The following CFAP54 variants were observed in gnomAD, a reference collection of about 807,000 sequenced individuals.
CFAP54 encodes cilia- and flagella-associated protein 54.
Under a neutral mutation model 370.4 loss-of-function variants are expected in CFAP54, and 290 were observed. That is an observed-to-expected ratio of 0.78 (90% CI 0.71 to 0.86). The LOEUF is 0.86. CFAP54 is among the 40% of genes least tolerant of loss of function. CFAP54 has a pLI of 0.00. For missense variants in CFAP54, 3,399 were observed against 3,528.7 expected, an observed-to-expected ratio of 0.96 and a Z score of 0.93; for synonymous variants, 1,206 against 1,236.5, an observed-to-expected ratio of 0.98 and a Z score of 0.52.
chr12:96,548,798 C>T (rs1261206890), intron 15 of CFAP54, among the ~76,000 whole-genome samples: 9 of 152,112 alleles, frequency 5.9e-5, no homozygotes, highest in Admixed American at 5.9e-4. Context: ...CTATCTCTCA[C>T]TCCAGACATA....
intron 34 of CFAP54, 41 bp from the exon 35 acceptor site, chr12:96,649,850 C>T: frequency 2.9e-6 from 4 of 1,378,198 alleles, no homozygotes; most frequent in Non-Finnish European, 4.0e-6. Context: ...GAACTTAATT[C>T]TATGTTTTTA....
chr12:96,717,640 C>T lies in CFAP54; in HGVS notation c.6725-803C>T, dbSNP rs543458564. 1.1e-3 allele frequency among the ~76,000 whole-genome samples: 174 copies of T among 152,254 alleles called. 1 individual carries two copies. Among genetic ancestry groups the T allele is most frequent in the African/African-American group, 3.8e-3 (159 of 41,562 alleles). On this transcript the variant is annotated intron_variant, in intron 48 of 67. Transcript: ENST00000524981. Reference sequence around the variant, plus strand: ...TTCAGAATAAGAGCAGGCTTTGGATCGTGGATGGAGATTTTGAAAGAGATA... The same window carrying T: ...TTCAGAATAAGAGCAGGCTTTGGATTGTGGATGGAGATTTTGAAAGAGATA...
intron 65 of CFAP54, among the ~76,000 whole-genome samples, chr12:96,824,842 C>T (rs1354126113): frequency 6.6e-6 from 1 of 152,110 alleles, no homozygotes; most frequent in Non-Finnish European, 1.5e-5. Context: ...TTCCCTCAGT[C>T]CAGTCCTGCT....
At chr12:96,771,657 C>CA (rs773536804) in intron 60 of CFAP54, among the ~76,000 whole-genome samples, 11 of 151,814 alleles carry the variant, frequency 7.2e-5, no homozygotes, top group Admixed American at 3.3e-4. Flanking sequence ...GCCTCAAAAA[C>CA]AAAAAACAAA....
In CFAP54 at chr12:96,626,912, C is replaced by A. The variant is rs770591678; in HGVS notation, c.4076C>A (p.Thr1359Lys). Residue 1359 changes from threonine (T) to lysine (K), a missense_variant, in exon 30 of 68, where the codon ACA becomes AAA. By Grantham distance (78) the Thr-to-Lys change is moderately conservative. This residue lies in a region of CFAP54 where 2,796 missense variants were observed against 2,869.7 expected (regional missense o/e 0.97). Coordinates refer to ENST00000524981, the MANE Select transcript of CFAP54 (RefSeq NM_001306084.2). ...AAATTTCATCTTATGGTAGAGGTAA[C>A]AACTCCTGTCCATGACTTCTTGAAA... is the stretch of plus-strand genomic sequence containing the variant. ...EEKFHLMVEV[T>K]TPVHDFLKRR... The A allele has an allele frequency of 7.0e-6, 10 of 1,422,904 alleles. No homozygotes were observed. The South Asian group carries it at 1.2e-4, about 17-fold the overall frequency. 88.1% of individuals were successfully genotyped at this position (1,422,904 alleles called of 1,614,324 possible).
chr12:96,688,749 G>A (rs998777278), intron 42 of CFAP54, among the ~76,000 whole-genome samples, 167 bp from the exon 43 acceptor site: 1 of 151,146 alleles, frequency 6.6e-6, no homozygotes, highest in African/African-American at 2.4e-5. Context: ...GGATTATAGG[G>A]GATTTTTTAT....
At chr12:96,692,312 T>G (rs1366794836) in intron 44 of CFAP54, among the ~76,000 whole-genome samples, 1 of 152,196 alleles carries the variant, frequency 6.6e-6, no homozygotes, top group Non-Finnish European at 1.5e-5. Context: ...ATTTCTGGGT[T>G]GAAGAAATAG....
At chr12:96,588,733 A>T (rs551760845) in intron 22 of CFAP54, among the ~76,000 whole-genome samples, 1 of 150,740 alleles carries the variant, frequency 6.6e-6, no homozygotes, top group Non-Finnish European at 1.5e-5. Flanking sequence ...GAGATTTTAT[A>T]TTGTTATTTA....
At chr12:96,806,831 T>A (rs1006839735) in intron 63 of CFAP54, among the ~76,000 whole-genome samples, 14 of 152,042 alleles carry the variant, frequency 9.2e-5, no homozygotes, top group African/African-American at 3.4e-4. Context: ...AAAAGCTGTT[T>A]AAGGGAGATA....
rs906447863 is a variant in CFAP54, at chr12:96,792,415, G to A, written c.8766G>A (p.Met2922Ile). Reference protein sequence around the residue: ...SSCVDITPIEMVTQASNKELC... With the variant: ...SSCVDITPIEIVTQASNKELC... ...GTGTGGACATAACGCCAATAGAAAT[G>A]GTAACGCAAGCTTCAAACAAAGAAC... The change falls in exon 63 of 68, where the codon ATG becomes ATA. Residue 2922 changes from methionine (M) to isoleucine (I), a missense_variant. Around this residue, in one of 3 missense-constraint regions of CFAP54, gnomAD observed 2,796 missense variants for 2,869.7 expected, o/e 0.97. Coordinates refer to ENST00000524981, the MANE Select transcript of CFAP54 (RefSeq NM_001306084.2). 1 of 1,535,696 alleles carries A rather than the reference G, an allele frequency of 6.5e-7. No individual in the cohort carries two copies. The highest frequency in any genetic ancestry group is 1.4e-5 in the African/African-American group (1 of 72,982).
chr12:96,634,749 A>G (rs1425209451), intron 32 of CFAP54, among the ~76,000 whole-genome samples: 1 of 152,024 alleles, frequency 6.6e-6, no homozygotes, highest in Non-Finnish European at 1.5e-5. Context: ...TTTTGAGTTA[A>G]TTTTTTGCAT....
chr12:96,512,210 T>C (rs1486594448), intron 4 of CFAP54, among the ~76,000 whole-genome samples: 1 of 150,862 alleles, frequency 6.6e-6, no homozygotes, highest in East Asian at 1.9e-4. Context: ...CCTTGTTGAG[T>C]ATTTTGCCAT....
chr12:96,490,704 TAATA>T (rs201397110), intron 1 of CFAP54, among the ~76,000 whole-genome samples: 1,941 of 139,148 alleles, frequency 0.014, 61 homozygotes, highest in African/African-American at 0.048. Flanking sequence ...AAAATAATAA[TAATA>T]AATAAATAAA....
rs192532822 is a variant in CFAP54, at chr12:96,684,392, C to G, written c.5717-256C>G. 2.1e-3 allele frequency among the ~76,000 whole-genome samples: 315 copies of G among 152,274 alleles called. 1 individual carries two copies. Among genetic ancestry groups the G allele is most frequent in the African/African-American group, 7.1e-3 (294 of 41,532 alleles). ...TAAGTTTCTCTTCTCCTGTCTCTAC[C>G]TGTCTGAGTTTTATTCCCATGATGC... On this transcript the variant is annotated intron_variant, in intron 40 of 67. Transcript: ENST00000524981.
chr12:96,830,259 T>C (rs1437134784), intron 66 of CFAP54, among the ~76,000 whole-genome samples: 1 of 152,222 alleles, frequency 6.6e-6, no homozygotes, highest in Non-Finnish European at 1.5e-5. Flanking sequence ...ATGTTTAACC[T>C]TTCGAAGCAC....
At chr12:96,549,903 T>C (rs1403416392) in intron 15 of CFAP54, among the ~76,000 whole-genome samples, 1 of 152,218 alleles carries the variant, frequency 6.6e-6, no homozygotes, top group Non-Finnish European at 1.5e-5. Context: ...TCGCAATTCA[T>C]AAGTTCACCC....
At chr12:96,597,536 C>T (rs1368763847) in intron 25 of CFAP54, among the ~76,000 whole-genome samples, 2 of 151,840 alleles carry the variant, frequency 1.3e-5, no homozygotes, top group African/African-American at 4.8e-5. Flanking sequence ...ATTGTACAAC[C>T]ATGAAAATGT....
At chr12:96,728,711 T>G (rs1172073750) in intron 50 of CFAP54, among the ~76,000 whole-genome samples, 1 of 152,234 alleles carries the variant, frequency 6.6e-6, no homozygotes, top group Non-Finnish European at 1.5e-5. Context: ...TTTGTTCCGT[T>G]GCTGGTGAGT....
intron 2 of CFAP54, 50 bp from the exon 3 acceptor site, chr12:96,503,836 T>C (rs1243168025): frequency 7.3e-7 from 1 of 1,360,936 alleles, no homozygotes; most frequent in Non-Finnish European, 9.7e-7. Flanking sequence ...CTAATAATGA[T>C]AAGCTAAATG....
Sources: gnomAD v4.1 joint callset for allele counts (sites outside exome capture counted in the v4.1 genomes callset) on GRCh38, gnomAD v4.1.1 for gene constraint, gnomAD v4.1.1 regional missense constraint, MANE v1.5 for transcripts, NCBI Gene and HGNC (gene_info 2026-07-23, HGNC 2026-07-21) for gene names.